The following DENND5A variants were observed in gnomAD, a reference collection of about 807,000 sequenced individuals.
DENND5A encodes the protein DENN domain containing 5A.
DENND5A carries 64 observed loss-of-function variants against 140.3 expected under a neutral mutation model. The observed-to-expected ratio is 0.46, with a 90% CI of 0.37 to 0.56. The LOEUF is 0.56. Among genes scored for constraint, DENND5A ranks in the 20% least tolerant of loss-of-function variants. The pLI, the probability that DENND5A is intolerant of heterozygous loss-of-function variation, is 0.00. For missense variants in DENND5A, 1,292 were observed against 1,593.8 expected, an observed-to-expected ratio of 0.81 and a Z score of 3.22; for synonymous variants, 605 against 607.7, an observed-to-expected ratio of 1.00 and a Z score of 0.07.
intron 4 of DENND5A, among the ~76,000 whole-genome samples, chr11:9,198,475 G>A (rs1363335738): frequency 6.6e-6 from 1 of 151,978 alleles, no homozygotes; most frequent in African/African-American, 2.4e-5. Context: ...GGTGGGCGTG[G>A]TGGTGCACAC....
intron 1 of DENND5A, among the ~76,000 whole-genome samples, chr11:9,263,155 C>CTCATTTTTTTCTAACCTTGTTA (rs1852282563): frequency 6.6e-6 from 1 of 152,096 alleles, no homozygotes; most frequent in African/African-American, 2.4e-5. Context: ...GAGGAAATAG[C>CTCATTTTTTTCTAACCTTGTTA]TCATTTTTTT....
chr11:9,233,966 T>C (rs1850887428), intron 1 of DENND5A, among the ~76,000 whole-genome samples: 1 of 151,958 alleles, frequency 6.6e-6, no homozygotes, highest in South Asian at 2.1e-4. Context: ...TCACTTGAGG[T>C]CAGGAGTTCG....
At position 9,176,542 on chromosome 11, in the gene DENND5A, T is replaced by G. The variant is rs184527070; in HGVS notation, c.1906+1590A>C. Reference sequence around the variant, plus strand: ...TAACATCCCTACATGCTGGGTACAATGCCAGAAGAATGGGGGTAAGAAAAT... The same window carrying G: ...TAACATCCCTACATGCTGGGTACAAGGCCAGAAGAATGGGGGTAAGAAAAT... On this transcript the variant is annotated intron_variant, in intron 8 of 22. Transcript: ENST00000328194. 2.0e-5 allele frequency among the ~76,000 whole-genome samples: 3 copies of G among 152,306 alleles called. No homozygotes were observed. The East Asian group carries it at 5.8e-4, about 29-fold the overall frequency.
chr11:9,263,037 G>A (rs986937024), intron 1 of DENND5A, among the ~76,000 whole-genome samples: 21 of 151,906 alleles, frequency 1.4e-4, no homozygotes, highest in African/African-American at 3.9e-4. Context: ...CACCGCGCCC[G>A]GCCTAAAACT....
At chr11:9,160,668 C>G (rs1417967748) in intron 12 of DENND5A, 45 bp downstream of exon 12, 2 of 1,566,366 alleles carry the variant, frequency 1.3e-6, no homozygotes, top group African/African-American at 2.7e-5. Context: ...TAACTGAAAA[C>G]AGGAAGACAA....
chr11:9,256,373 T>C (rs1415662674), intron 1 of DENND5A, among the ~76,000 whole-genome samples: 4 of 151,774 alleles, frequency 2.6e-5, no homozygotes, highest in African/African-American at 9.7e-5. Context: ...GGCAGGAGAA[T>C]CACTTGAACC....
intron 1 of DENND5A, among the ~76,000 whole-genome samples, chr11:9,262,827 C>T (rs1852263457): frequency 6.6e-6 from 1 of 152,082 alleles, no homozygotes; most frequent in African/African-American, 2.4e-5. Context: ...CTGCGAGCTC[C>T]GCCTCCCGGG....
At chr11:9,227,045 G>A (rs960972086) in intron 1 of DENND5A, among the ~76,000 whole-genome samples, 3 of 152,132 alleles carry the variant, frequency 2.0e-5, no homozygotes, top group African/African-American at 7.2e-5. Flanking sequence ...GCACATGCCT[G>A]TAATCCCAGA....
intron 12 of DENND5A, among the ~76,000 whole-genome samples, chr11:9,155,563 T>C (rs1016800436): frequency 6.6e-6 from 1 of 152,240 alleles, no homozygotes; most frequent in Non-Finnish European, 1.5e-5. Flanking sequence ...CCTACTCTTT[T>C]TCCTCTTTTG....
At chr11:9,233,388 G>C (rs1421970539) in intron 1 of DENND5A, among the ~76,000 whole-genome samples, 2 of 135,384 alleles carry the variant, frequency 1.5e-5, no homozygotes, top group Admixed American at 1.6e-4. Context: ...GACAGAGCGA[G>C]ACTCTGTCTC....
intron 12 of DENND5A, 146 bp from the exon 13 acceptor site, chr11:9,152,588 A>G: frequency 1.6e-6 from 1 of 630,120 alleles, no homozygotes; most frequent in Non-Finnish European, 2.9e-6. Flanking sequence ...ATGCAAATAT[A>G]TCAATTTACT....
chr11:9,256,175 C>T (rs1851937564), intron 1 of DENND5A, among the ~76,000 whole-genome samples: 1 of 151,886 alleles, frequency 6.6e-6, no homozygotes, highest in Non-Finnish European at 1.5e-5. Flanking sequence ...CAATCAAAAA[C>T]TGAAGGCCGG....
rs964018043 is a variant in DENND5A, at chr11:9,222,070, T to G, written c.110-14438A>C. Reference sequence around the variant, plus strand: ...CTGCGCTTGGCAAGAATTTTTAATATCCAATTATAATTTTACAAATGCAGG... The same window carrying G: ...CTGCGCTTGGCAAGAATTTTTAATAGCCAATTATAATTTTACAAATGCAGG... On this transcript the variant is annotated intron_variant, in intron 1 of 22. Coordinates refer to ENST00000328194, the MANE Select transcript of DENND5A (RefSeq NM_015213.4). 2.6e-5 allele frequency among the ~76,000 whole-genome samples: 4 copies of G among 152,154 alleles called. No individual in the cohort carries two copies. In the South Asian group the frequency reaches 6.2e-4, roughly 24 times the overall value.
At chr11:9,140,391 A>G (rs58059407) in intron 22 of DENND5A, 4,392 of 407,478 alleles carry the variant, frequency 0.011, 155 homozygotes, top group African/African-American at 0.08. Flanking sequence ...GCGGTTCTGG[A>G]GTCTGTTTTT....
chr11:9,247,043 C>A (rs912936389), intron 1 of DENND5A, among the ~76,000 whole-genome samples: 3 of 152,120 alleles, frequency 2.0e-5, no homozygotes, highest in African/African-American at 7.2e-5. Context: ...ATCTGGCTAA[C>A]ACGGTGAAAC....
At position 9,143,569 on chromosome 11, in the gene DENND5A, G is replaced by A. The variant is rs1847321216; in HGVS notation, c.3305-84C>T. ...CCTGAGCAGGAGACTGAGGACACGGGGAGGGCCCATAGGAGAGGCAGGGCA... is the reference window on the plus strand; with the variant it reads ...CCTGAGCAGGAGACTGAGGACACGGAGAGGGCCCATAGGAGAGGCAGGGCA... On this transcript the variant is annotated intron_variant, in intron 19 of 22. Transcript: ENST00000328194. The A allele has an allele frequency of 2.6e-6, 3 of 1,165,102 alleles. No individual in the cohort carries two copies. The South Asian group carries it at 3.7e-5, about 14-fold the overall frequency. 72.2% of individuals were successfully genotyped at this position (1,165,102 alleles called of 1,614,324 possible). A position where few individuals can be genotyped will look rare whatever the true frequency, so the allele number is the denominator to read the frequency against.
Position 9,157,657 on chromosome 11 carries a change from A to G in DENND5A, c.2436+3056T>C, listed in dbSNP as rs147328637. Among the ~76,000 whole-genome samples, 316 of 152,316 alleles carry G rather than the reference A, an allele frequency of 2.1e-3. 1 individual carries two copies. The highest frequency in any genetic ancestry group is 6.6e-3 in the African/African-American group (276 of 41,564). On this transcript the variant is annotated intron_variant, in intron 12 of 22. Coordinates refer to ENST00000328194, the MANE Select transcript of DENND5A (RefSeq NM_015213.4). ...CTGCATCCATGTTGCTACAAAGGCC[A>G]TGATCTAGTTCTTTTTTATGGCTGT...
intron 1 of DENND5A, among the ~76,000 whole-genome samples, chr11:9,234,334 CA>C (rs961794748): frequency 1.4e-4 from 21 of 151,618 alleles, no homozygotes; most frequent in African/African-American, 4.8e-4. Flanking sequence ...AAAAAATGAG[CA>C]AAAAGAGAAA....
chr11:9,198,383 C>A (rs992893500), intron 4 of DENND5A, among the ~76,000 whole-genome samples: 1 of 151,134 alleles, frequency 6.6e-6, no homozygotes, highest in East Asian at 1.9e-4. Flanking sequence ...GAGGCCGAGG[C>A]GGGTGGATCA....
Sources: allele counts gnomAD v4.1 joint callset (sites outside exome capture counted in the v4.1 genomes callset), GRCh38; gene constraint gnomAD v4.1.1; transcripts MANE v1.5; gene names NCBI Gene and HGNC (gene_info 2026-07-23, HGNC 2026-07-21).